Variants in MLIP observed in about 807,000 individuals in gnomAD.
MLIP encodes the protein muscular LMNA-interacting protein.
A neutral mutation model predicts 84.8 loss-of-function variants in MLIP; 79 were observed. The observed-to-expected ratio is 0.93, with a 90% CI of 0.78 to 1.12. MLIP has a LOEUF of 1.12. Ranked by LOEUF, MLIP falls within the 50% of genes most tolerant of loss-of-function variation. The pLI, the probability that MLIP is intolerant of heterozygous loss-of-function variation, is 0.00. For synonymous variants in MLIP, 504 were observed against 463.0 expected, an observed-to-expected ratio of 1.09 and a Z score of -1.14; for missense variants, 1,257 against 1,160.6, an observed-to-expected ratio of 1.08 and a Z score of -1.21.
At chr6:54,109,069 A>G (rs1561937058), upstream of MLIP, among the ~76,000 whole-genome samples, 1 of 150,092 alleles carries the variant, frequency 6.7e-6, no homozygotes, top group East Asian at 1.9e-4. Flanking sequence ...GTCTTTATAT[A>G]TATAAATCAA....
chr6:54,031,158 A>C (rs555356965), intron 1 of MLIP, among the ~76,000 whole-genome samples: 2 of 152,288 alleles, frequency 1.3e-5, no homozygotes, highest in South Asian at 4.1e-4. Flanking sequence ...AGGCAACAAT[A>C]TTATGGGTTA....
At chr6:54,078,836 C>G (rs976659921) in intron 1 of MLIP, among the ~76,000 whole-genome samples, 2 of 151,770 alleles carry the variant, frequency 1.3e-5, no homozygotes, top group East Asian at 3.9e-4. Flanking sequence ...GGATTATAGG[C>G]GCCTGCCACC....
intron 12 of MLIP, among the ~76,000 whole-genome samples, chr6:54,240,840 G>T (rs1244548599): frequency 2.0e-5 from 3 of 152,134 alleles, no homozygotes; most frequent in African/African-American, 7.2e-5. Flanking sequence ...GCTGGGCGTG[G>T]TGGCACGCAC....
intron 12 of MLIP, among the ~76,000 whole-genome samples, chr6:54,236,740 T>C (rs1367921933): frequency 1.3e-5 from 2 of 152,198 alleles, no homozygotes; most frequent in African/African-American, 2.4e-5. Flanking sequence ...AATGTTCCTA[T>C]GCTCAAGAAG....
intron 1 of MLIP, among the ~76,000 whole-genome samples, chr6:54,070,610 C>T (rs1174849609): frequency 6.6e-6 from 1 of 151,888 alleles, no homozygotes; most frequent in East Asian, 1.9e-4. Flanking sequence ...TTTTTGGTTG[C>T]CCAGGTCAAA....
chr6:54,136,696 C>A lies in MLIP; in HGVS notation c.646-19C>A. On this transcript the variant is annotated intron_variant, in intron 3 of 13. Transcript: ENST00000502396. ...CAAATAATGTCCTATTTCAATCTGTCTATTTCTCTTTCCTCTAGTTAACTT... is the reference window on the plus strand; with the variant it reads ...CAAATAATGTCCTATTTCAATCTGTATATTTCTCTTTCCTCTAGTTAACTT... 1 of 1,453,852 alleles carries A rather than the reference C, an allele frequency of 6.9e-7. No homozygotes were observed. Among genetic ancestry groups the A allele is most frequent in the South Asian group, 1.4e-5 (1 of 71,588 alleles). The allele number at this position is 1,453,852 out of a possible 1,614,324, so 90.1% of individuals were successfully genotyped here. A position where few individuals can be genotyped will look rare whatever the true frequency, so the allele number is the denominator to read the frequency against.
At chr6:54,149,881 T>C (rs1773257507) in intron 5 of MLIP, among the ~76,000 whole-genome samples, 1 of 152,190 alleles carries the variant, frequency 6.6e-6, no homozygotes, top group African/African-American at 2.4e-5. Context: ...AAGTAGAGGA[T>C]TGATATCAGA....
chr6:54,180,034 C>A (rs1482435418), intron 9 of MLIP, among the ~76,000 whole-genome samples: 1 of 152,072 alleles, frequency 6.6e-6, no homozygotes, highest in Non-Finnish European at 1.5e-5. Flanking sequence ...GTCTTTATTT[C>A]TCTTTCATGC....
At chr6:54,044,469 CTT>C (rs1203739083) in intron 1 of MLIP, among the ~76,000 whole-genome samples, 1 of 152,144 alleles carries the variant, frequency 6.6e-6, no homozygotes, top group Non-Finnish European at 1.5e-5. Flanking sequence ...AAAACATACT[CTT>C]GAGGTTTTTG....
At chr6:54,214,633 C>A (rs190469194) in intron 11 of MLIP, among the ~76,000 whole-genome samples, 1 of 152,310 alleles carries the variant, frequency 6.6e-6, no homozygotes, top group Admixed American at 6.5e-5. Flanking sequence ...AGTTTTTTCT[C>A]TGTCAAAGTA....
Position 54,124,465 on chromosome 6 carries a change from T to G in MLIP, c.253-8T>G. On this transcript the variant is annotated splice_region_variant and splice_polypyrimidine_tract_variant and intron_variant, in intron 2 of 13. Transcript: ENST00000502396. The stretch of plus-strand genomic sequence containing the variant: ...GTCAATGCTTTTATCTCTCTACATC[T>G]ATTACAGTCTAAATCCAATGACTAC... The G allele has an allele frequency of 6.2e-7, 1 of 1,608,658 alleles. No individual in the cohort carries two copies. The highest frequency in any genetic ancestry group is 8.5e-7 in the Non-Finnish European group (1 of 1,176,858).
At chr6:54,254,774 T>A (rs1562113641) in intron 12 of MLIP, among the ~76,000 whole-genome samples, 1 of 134,108 alleles carries the variant, frequency 7.5e-6, no homozygotes, top group East Asian at 2.5e-4. Context: ...CTTCCCTTCC[T>A]CCCTCCCTTC....
intron 2 of MLIP, among the ~76,000 whole-genome samples, chr6:54,122,947 T>A (rs1770583122): frequency 6.6e-6 from 1 of 152,088 alleles, no homozygotes; most frequent in Non-Finnish European, 1.5e-5. Flanking sequence ...TTTTTTTTTT[T>A]TTGAGACGGA....
chr6:54,069,821 T>G lies in MLIP; in HGVS notation c.63+50730T>G, dbSNP rs112939759. On this transcript the variant is annotated intron_variant, in intron 1 of 12. Coordinates refer to the MLIP transcript ENST00000274897. Reference sequence around the variant, plus strand: ...AAAAGACTCAAATCAACTGTATTTTTAATTTGAGCATAATAGACTGAACCA... The same window carrying G: ...AAAAGACTCAAATCAACTGTATTTTGAATTTGAGCATAATAGACTGAACCA... Among the ~76,000 whole-genome samples, 2 of 100,292 alleles carry G rather than the reference T, an allele frequency of 2.0e-5. 1 individual carries two copies. Among genetic ancestry groups the G allele is most frequent in the East Asian group, 5.3e-4 (2 of 3,748 alleles). 65.8% of individuals were successfully genotyped at this position (100,292 alleles called of 152,430 possible).
chr6:54,110,133 C>T (rs1769341146), upstream of MLIP, among the ~76,000 whole-genome samples: 1 of 151,778 alleles, frequency 6.6e-6, no homozygotes, highest in Non-Finnish European at 1.5e-5. Context: ...CAGCTGCCCG[C>T]CACAACGCCC....
intron 10 of MLIP, among the ~76,000 whole-genome samples, chr6:54,196,562 CA>C (rs1244999832): frequency 2.6e-5 from 4 of 152,062 alleles, no homozygotes; most frequent in African/African-American, 9.7e-5. Flanking sequence ...ATATGTACCA[CA>C]TTTTCTTTAT....
At chr6:54,100,878 T>C (rs1265937774) in intron 1 of MLIP, among the ~76,000 whole-genome samples, 1 of 152,100 alleles carries the variant, frequency 6.6e-6, no homozygotes, top group Admixed American at 6.6e-5. Context: ...CATCAGCTGG[T>C]TTGTTTTGCC....
At chr6:54,187,489 T>C (rs2754801) in intron 9 of MLIP, among the ~76,000 whole-genome samples, 150,064 of 152,298 alleles carry the variant, frequency 0.99, 73,967 homozygotes, top group East Asian at 1. Flanking sequence ...TATTATAAGA[T>C]AAGCTTTGAA....
At chr6:54,034,185 T>C (rs1764296375) in intron 1 of MLIP, among the ~76,000 whole-genome samples, 1 of 152,210 alleles carries the variant, frequency 6.6e-6, no homozygotes. Flanking sequence ...ATATCTAACA[T>C]AATTTCTCTT....
Sources: allele counts gnomAD v4.1 joint callset (sites outside exome capture counted in the v4.1 genomes callset), GRCh38; gene constraint gnomAD v4.1.1; transcripts MANE v1.5; gene names NCBI Gene and HGNC (gene_info 2026-07-23, HGNC 2026-07-21).